UIMC1: variants seen among roughly 807,000 people sequenced by gnomAD.
UIMC1 encodes BRCA1-A complex subunit RAP80.
In UIMC1, 42 loss-of-function variants were observed where a neutral mutation model predicts 84.9. The ratio of observed to expected loss-of-function variants is 0.49; its 90% CI spans 0.39 to 0.64. The LOEUF (loss-of-function observed/expected upper bound fraction) is 0.64, where lower values mean the gene tolerates loss of function less well. UIMC1 is among the 30% of genes least tolerant of loss of function. The pLI, the probability that UIMC1 is intolerant of heterozygous loss-of-function variation, is 0.00. For missense variants in UIMC1, 825 were observed against 847.6 expected (o/e 0.97, Z 0.33); for synonymous variants, 281 against 293.0 (o/e 0.96, Z 0.42).
At chr5:176,980,604 T>G (rs898264179) in intron 2 of UIMC1, among the ~76,000 whole-genome samples, 20 of 152,228 alleles carry the variant, frequency 1.3e-4, no homozygotes, top group African/African-American at 4.1e-4. Context: ...GTGTACATTT[T>G]CATTTCATAT....
intron 9 of UIMC1, among the ~76,000 whole-genome samples, chr5:176,948,901 G>A (rs1257804884): frequency 6.6e-6 from 1 of 152,026 alleles, no homozygotes; most frequent in Non-Finnish European, 1.5e-5. Context: ...TACTATCTTT[G>A]TGCACATAAA....
intron 1 of UIMC1, among the ~76,000 whole-genome samples, chr5:177,003,055 A>G (rs1268086606): frequency 1.3e-5 from 2 of 152,148 alleles, no homozygotes; most frequent in African/African-American, 2.4e-5. Flanking sequence ...CACAAAGTGT[A>G]TATTTAAATT....
At chr5:176,941,123 G>A (rs1764367936) in intron 10 of UIMC1, among the ~76,000 whole-genome samples, 1 of 152,152 alleles carries the variant, frequency 6.6e-6, no homozygotes, top group Non-Finnish European at 1.5e-5. Flanking sequence ...TTTCAAATAT[G>A]TAATAATTAA....
intron 10 of UIMC1, among the ~76,000 whole-genome samples, chr5:176,937,707 A>T (rs1763882059): frequency 6.6e-6 from 1 of 152,172 alleles, no homozygotes; most frequent in South Asian, 2.1e-4. Context: ...TAAATAGTAG[A>T]CACTTTATGT....
Position 176,995,639 on chromosome 5 carries a change from C to G in UIMC1, c.-9+11011G>C, listed in dbSNP as rs190620157. On this transcript the variant is annotated intron_variant, in intron 1 of 14. Transcript: ENST00000511320. ...CGGGTGGATCACGAGGTGAAAAGAT[C>G]GAGACCATCCTGGCTAACACAGTGA... is the stretch of plus-strand genomic sequence containing the variant. Among the ~76,000 whole-genome samples the G allele has an allele frequency of 9.2e-3, 1,364 of 149,028 alleles. 9 individuals are homozygous for G. The highest frequency in any genetic ancestry group is 0.025 in the South Asian group (118 of 4,698).
upstream of UIMC1, among the ~76,000 whole-genome samples, chr5:177,007,759 T>C (rs971407783): frequency 6.6e-6 from 1 of 151,606 alleles, no homozygotes; most frequent in Non-Finnish European, 1.5e-5. Context: ...TAGCGGAAAA[T>C]GTGGGGAGAA....
intron 5 of UIMC1, 93 bp downstream of exon 5, chr5:176,969,508 T>A: frequency 1.5e-6 from 2 of 1,362,360 alleles, no homozygotes; most frequent in Non-Finnish European, 2.0e-6. Flanking sequence ...ACCAAAAGGA[T>A]CTGGGGTATT....
At chr5:176,946,721 G>GCTA (rs1362812544) in intron 9 of UIMC1, among the ~76,000 whole-genome samples, 1 of 151,866 alleles carries the variant, frequency 6.6e-6, no homozygotes, top group Non-Finnish European at 1.5e-5. Context: ...TGTAGTCCCA[G>GCTA]CTACTTAGGT....
rs745910511 is a variant in UIMC1 at position 176,982,524 on chromosome 5, T to C, written c.92A>G (p.Lys31Arg). ...DVETTSSVSV[K>R]RKRRLEDAFI... is the part of the protein sequence containing the mutation. Reference sequence around the variant, plus strand: ...TGCATCCTCAAGTCTACGCTTCCTCTTCACACTGACAGAACTGGTAGTTTC... The same window carrying C: ...TGCATCCTCAAGTCTACGCTTCCTCCTCACACTGACAGAACTGGTAGTTTC... The change falls in exon 2 of 15, where the codon AAG becomes AGG. Residue 31 changes from lysine to arginine, a missense_variant. Transcript: ENST00000511320. The C allele has an allele frequency of 4.3e-6, 7 of 1,614,042 alleles. No individual in the cohort carries two copies. The highest frequency in any genetic ancestry group is 1.3e-5 in the African/African-American group (1 of 74,948).
chr5:176,925,160 A>G (rs868335423), intron 10 of UIMC1, among the ~76,000 whole-genome samples: 26 of 152,334 alleles, frequency 1.7e-4, no homozygotes, highest in Admixed American at 5.2e-4. Context: ...TCAATAATAA[A>G]AAGCCACATA....
chr5:176,951,941 T>C (rs1765933328), intron 8 of UIMC1, among the ~76,000 whole-genome samples: 5 of 152,240 alleles, frequency 3.3e-5, no homozygotes, highest in Admixed American at 3.3e-4. Context: ...AATGAACTCT[T>C]TATAATGACC....
At chr5:176,990,487 A>G (rs1772664604) in intron 1 of UIMC1, among the ~76,000 whole-genome samples, 1 of 152,178 alleles carries the variant, frequency 6.6e-6, no homozygotes, top group Non-Finnish European at 1.5e-5. Flanking sequence ...TTAAAAACCT[A>G]TCAAGTTACC....
intron 10 of UIMC1, among the ~76,000 whole-genome samples, chr5:176,931,024 T>C (rs2149423455): frequency 6.6e-6 from 1 of 152,300 alleles, no homozygotes; most frequent in Admixed American, 6.5e-5. Context: ...GCTCTACACA[T>C]GGAAGGCAGA....
chr5:176,964,672 A>T (rs1318746583), intron 6 of UIMC1, among the ~76,000 whole-genome samples: 2 of 152,222 alleles, frequency 1.3e-5, no homozygotes, highest in African/African-American at 4.8e-5. Flanking sequence ...TGAACCATAC[A>T]AAAAATAGGT....
intron 1 of UIMC1, among the ~76,000 whole-genome samples, chr5:176,996,208 T>C (rs1773587422): frequency 6.6e-6 from 1 of 152,114 alleles, no homozygotes; most frequent in Admixed American, 6.6e-5. Context: ...CAAACTATGA[T>C]TCTACCTGTA....
chr5:176,949,847 G>A (rs1378656473), intron 9 of UIMC1, among the ~76,000 whole-genome samples: 3 of 152,086 alleles, frequency 2.0e-5, no homozygotes, highest in African/African-American at 7.2e-5. Flanking sequence ...CTGAGGTCAG[G>A]AGTTTGAGAC....
chr5:176,942,745 TA>T lies in UIMC1; in HGVS notation c.1597+589del, dbSNP rs1044619072. On this transcript the variant is annotated intron_variant, in intron 10 of 14. Coordinates refer to ENST00000511320, the MANE Select transcript of UIMC1 (RefSeq NM_001199298.2). ...TGGGCGACAGAGCGAGACTCCGTCT[TA>T]AAAAAAAAAAAAAAAAAAAAAGGTT... 5.7e-3 allele frequency among the ~76,000 whole-genome samples: 436 copies of T among 76,132 alleles called. 2 individuals carry two copies. Among genetic ancestry groups the T allele is most frequent in the African/African-American group, 0.014 (281 of 19,502 alleles). The allele number at this position is 76,132 out of a possible 152,430, so 49.9% of individuals were successfully genotyped here.
At chr5:177,004,622 T>C (rs1297310902) in intron 1 of UIMC1, among the ~76,000 whole-genome samples, 1 of 152,316 alleles carries the variant, frequency 6.6e-6, no homozygotes, top group East Asian at 1.9e-4. Flanking sequence ...TCCAGAAAGA[T>C]GCAGAAGCAG....
chr5:177,000,768 G>A (rs2149538358), intron 1 of UIMC1, among the ~76,000 whole-genome samples: 1 of 152,128 alleles, frequency 6.6e-6, no homozygotes, highest in East Asian at 1.9e-4. Flanking sequence ...CCAAAGTGCT[G>A]GGATTACAAG....
Sources: allele counts gnomAD v4.1 joint callset (sites outside exome capture counted in the v4.1 genomes callset), GRCh38; gene constraint gnomAD v4.1.1; transcripts MANE v1.5; gene names NCBI Gene and HGNC (gene_info 2026-07-23, HGNC 2026-07-21).